The following LSAMP variants were observed in gnomAD, a reference collection of about 807,000 sequenced individuals.
The protein encoded by LSAMP is limbic system-associated membrane protein.
LSAMP carries 7 observed loss-of-function variants against 38.6 expected under a neutral mutation model. That is an observed-to-expected ratio of 0.18 (90% CI 0.10 to 0.34). LSAMP has a LOEUF of 0.34. LSAMP is among the 10% of genes least tolerant of loss of function. The pLI is 1.00. For synonymous variants in LSAMP, 154 were observed against 166.8 expected, an observed-to-expected ratio of 0.92 and a Z score of 0.59; for missense variants, 313 against 420.0, an observed-to-expected ratio of 0.75 and a Z score of 2.23.
At chr3:116,426,703 T>A (rs1329569370) in intron 1 of LSAMP, among the ~76,000 whole-genome samples, 1 of 152,144 alleles carries the variant, frequency 6.6e-6, no homozygotes, top group Admixed American at 6.5e-5. Context: ...GAATACATCA[T>A]CTGTGGCTGC....
At chr3:115,839,952 G>A (rs1934943315) in intron 6 of LSAMP, among the ~76,000 whole-genome samples, 1 of 152,160 alleles carries the variant, frequency 6.6e-6, no homozygotes, top group African/African-American at 2.4e-5. Flanking sequence ...TTCTGTTATA[G>A]GGCATTGGTA....
At chr3:116,430,974 A>G (rs2049272826) in intron 1 of LSAMP, among the ~76,000 whole-genome samples, 1 of 152,034 alleles carries the variant, frequency 6.6e-6, no homozygotes, top group Non-Finnish European at 1.5e-5. Context: ...ATAATCACAA[A>G]TACACATAAA....
intron 3 of LSAMP, among the ~76,000 whole-genome samples, chr3:116,013,951 T>A (rs1320830576): frequency 6.6e-6 from 1 of 152,206 alleles, no homozygotes; most frequent in Non-Finnish European, 1.5e-5. Flanking sequence ...TTCAGCGTAA[T>A]ACTTCTCAGG....
chr3:116,112,315 C>T (rs1362123156), intron 1 of LSAMP, among the ~76,000 whole-genome samples: 2 of 152,060 alleles, frequency 1.3e-5, no homozygotes, highest in Admixed American at 1.3e-4. Flanking sequence ...TAAAAGGACG[C>T]ATAAGTATGA....
chr3:116,077,173 C>T (rs563041033), intron 2 of LSAMP, among the ~76,000 whole-genome samples: 5 of 151,474 alleles, frequency 3.3e-5, no homozygotes, highest in African/African-American at 1.2e-4. Flanking sequence ...AATTTATTTC[C>T]TCCTTTCCCA....
In LSAMP at chr3:115,848,906, G is replaced by A. The variant is rs139083510; in HGVS notation, c.649+3577C>T. Among the ~76,000 whole-genome samples the A allele has an allele frequency of 5.8e-4, 88 of 152,286 alleles. 2 individuals carry two copies. The East Asian group carries it at 0.014, about 25-fold the overall frequency. On this transcript the variant is annotated intron_variant, in intron 4 of 6. Coordinates refer to ENST00000490035, the MANE Select transcript of LSAMP (RefSeq NM_002338.5). ...AAGAGTCCAATATTGAAAGAGTCTA[G>A]ATAAAATTAACAGTTTGTATTTGTT...
At chr3:115,919,737 G>A (rs1054666550) in intron 3 of LSAMP, among the ~76,000 whole-genome samples, 16 of 152,058 alleles carry the variant, frequency 1.1e-4, no homozygotes, top group African/African-American at 2.4e-4. Flanking sequence ...TCAGCCTCCC[G>A]AGTAGCTGGG....
intron 1 of LSAMP, among the ~76,000 whole-genome samples, chr3:116,416,193 G>C (rs1238820405): frequency 6.6e-6 from 1 of 152,128 alleles, no homozygotes; most frequent in East Asian, 1.9e-4. Flanking sequence ...AGCACTAATT[G>C]AGCACTTCTG....
chr3:115,920,908 T>TTA (rs1937367571), intron 3 of LSAMP, among the ~76,000 whole-genome samples: 1 of 151,972 alleles, frequency 6.6e-6, no homozygotes, highest in Non-Finnish European at 1.5e-5. Context: ...ATATTAATTG[T>TTA]TATATCTTCC....
chr3:116,019,704 A>C, intron 2 of LSAMP, 64 bp from the exon 3 acceptor site: 2 of 1,558,834 alleles, frequency 1.3e-6, no homozygotes, highest in Non-Finnish European at 1.8e-6. Flanking sequence ...GTAGCCATAC[A>C]ACTGGAAGTG....
intron 1 of LSAMP, among the ~76,000 whole-genome samples, chr3:116,202,100 C>T (rs2107594269): frequency 6.6e-6 from 1 of 151,814 alleles, no homozygotes; most frequent in South Asian, 2.1e-4. Context: ...ACTCTTCTCT[C>T]CTCTCCTCTC....
intron 1 of LSAMP, among the ~76,000 whole-genome samples, chr3:116,419,121 C>T (rs538992991): frequency 3.9e-5 from 6 of 152,190 alleles, no homozygotes; most frequent in Non-Finnish European, 8.8e-5. Flanking sequence ...CATAAATATT[C>T]TCCCAAATCA....
chr3:115,887,176 T>G (rs1295545291), intron 3 of LSAMP, among the ~76,000 whole-genome samples: 2 of 151,940 alleles, frequency 1.3e-5, no homozygotes, highest in African/African-American at 2.4e-5. Context: ...AAATTCATTT[T>G]TTTCAAGTGA....
chr3:115,909,917 A>C (rs952153590), intron 3 of LSAMP, among the ~76,000 whole-genome samples: 6 of 152,220 alleles, frequency 3.9e-5, no homozygotes, highest in African/African-American at 1.4e-4. Context: ...AAAAGAAAAC[A>C]AAAATTTATC....
At chr3:116,188,215 G>A (rs867879418) in intron 1 of LSAMP, among the ~76,000 whole-genome samples, 1 of 152,020 alleles carries the variant, frequency 6.6e-6, no homozygotes, top group Non-Finnish European at 1.5e-5. Context: ...CTTAGTGATC[G>A]TGCTATGTAT....
In LSAMP at chr3:115,840,604, G is replaced by A. The variant is rs555707603; in HGVS notation, c.919+1241C>T. Among the ~76,000 whole-genome samples, 7 of 152,294 alleles carry A rather than the reference G, an allele frequency of 4.6e-5. No individual in the cohort carries two copies. The East Asian group carries it at 1.3e-3, about 29-fold the overall frequency. The stretch of plus-strand genomic sequence containing the variant: ...TGAAGTCAATGAGAGTTACAAATGA[G>A]AAACTAAAGGCCGAAGTTAGAGTCA... On this transcript the variant is annotated intron_variant, in intron 6 of 6. Coordinates refer to ENST00000490035, the MANE Select transcript of LSAMP (RefSeq NM_002338.5).
chr3:116,025,744 C>T (rs1329131687), intron 2 of LSAMP, among the ~76,000 whole-genome samples: 2 of 152,042 alleles, frequency 1.3e-5, no homozygotes, highest in Admixed American at 1.3e-4. Flanking sequence ...TAAAGTGCTA[C>T]CAACCTGGCC....
At chr3:116,057,244 C>T (rs1447163063) in intron 2 of LSAMP, among the ~76,000 whole-genome samples, 1 of 152,164 alleles carries the variant, frequency 6.6e-6, no homozygotes, top group Non-Finnish European at 1.5e-5. Context: ...AGAAACAAGA[C>T]TGATCAACCA....
At chr3:115,898,386 A>G (rs1473022365) in intron 3 of LSAMP, among the ~76,000 whole-genome samples, 9 of 152,106 alleles carry the variant, frequency 5.9e-5, no homozygotes, top group Non-Finnish European at 1.3e-4. Context: ...AGGGCAAGCC[A>G]TAAGGTGCAC....
Sources: gnomAD v4.1 joint callset for allele counts (sites outside exome capture counted in the v4.1 genomes callset) on GRCh38, gnomAD v4.1.1 for gene constraint, MANE v1.5 for transcripts, NCBI Gene and HGNC (gene_info 2026-07-23, HGNC 2026-07-21) for gene names.